The following PARVA variants were observed in gnomAD, a reference collection of about 807,000 sequenced individuals.
PARVA encodes the protein alpha-parvin.
PARVA carries 25 observed loss-of-function variants against 52.6 expected under a neutral mutation model. The observed-to-expected ratio is 0.48, with a 90% confidence interval of 0.35 to 0.66. The LOEUF (loss-of-function observed/expected upper bound fraction) is 0.66, where lower values mean the gene tolerates loss of function less well. Among genes scored for constraint, PARVA ranks in the 30% least tolerant of loss-of-function variants. PARVA has a pLI of 0.01. For missense variants in PARVA, 373 were observed against 450.9 expected (o/e 0.83, Z 1.56); for synonymous variants, 185 against 179.1 (o/e 1.03, Z -0.26).
chr11:12,449,124 GC>G (rs1183790769), intron 1 of PARVA, among the ~76,000 whole-genome samples: 1 of 151,166 alleles, frequency 6.6e-6, no homozygotes, highest in African/African-American at 2.4e-5. Context: ...ACCAAAAGGG[GC>G]ATTTATTTAT....
chr11:12,379,743 C>T (rs1213704754), intron 1 of PARVA, among the ~76,000 whole-genome samples: 5 of 152,184 alleles, frequency 3.3e-5, no homozygotes, highest in East Asian at 1.9e-4. Context: ...TAGATTGAAA[C>T]GAGAAGCAGC....
intron 8 of PARVA, 84 bp downstream of exon 8, chr11:12,511,617 C>G: frequency 2.1e-6 from 3 of 1,413,556 alleles, no homozygotes; most frequent in Non-Finnish European, 3.0e-6. Context: ...GGAACAGGCT[C>G]TCAGCTTGTC....
Position 12,527,882 on chromosome 11 carries a change from G to A in PARVA, c.1076G>A (p.Arg359Gln), listed in dbSNP as rs756153904. 3 of 1,613,460 alleles carry A rather than the reference G, an allele frequency of 1.9e-6. No individual in the cohort carries two copies. Among genetic ancestry groups the A allele is most frequent in the South Asian group, 1.1e-5 (1 of 91,054 alleles). Residue 359 changes from arginine (R) to glutamine (Q), a missense_variant, in exon 13 of 13, where the codon CGA becomes CAA. Physicochemically the swap from Arg to Gln is conservative, Grantham distance 43. Coordinates refer to ENST00000334956, the MANE Select transcript of PARVA (RefSeq NM_018222.5). The stretch of plus-strand genomic sequence containing the variant: ...AACTGTGACCTGAAATCTACACTAC[G>A]AGTGTTGTACAACCTCTTCACCAAG... Reference protein sequence around the residue: ...IVNCDLKSTLRVLYNLFTKYR... With the variant: ...IVNCDLKSTLQVLYNLFTKYR...
intron 4 of PARVA, among the ~76,000 whole-genome samples, chr11:12,487,042 C>T (rs1452687975): frequency 6.6e-6 from 1 of 152,152 alleles, no homozygotes; most frequent in African/African-American, 2.4e-5. Context: ...GGAACTCCAG[C>T]AGAGCATCTC....
intron 1 of PARVA, among the ~76,000 whole-genome samples, chr11:12,459,307 A>G (rs973844009): frequency 6.6e-6 from 1 of 152,136 alleles, no homozygotes; most frequent in Non-Finnish European, 1.5e-5. Context: ...CAGGAGGTTA[A>G]GGTGGGAAGA....
At chr11:12,514,111 C>T in intron 10 of PARVA, 46 bp downstream of exon 10, 2 of 1,489,182 alleles carry the variant, frequency 1.3e-6, no homozygotes, top group Non-Finnish European at 9.4e-7. Flanking sequence ...CCCTGCCCTA[C>T]AGCCCCTGTT....
chr11:12,504,418 G>C lies in PARVA; in HGVS notation c.646G>C (p.Val216Leu), dbSNP rs758808635. ...CCCAGACCATGTTTCCATCCAAGTG[G>C]TTGTGGTCCAGGTAAGACAGGTAAC... ...RLPDHVSIQV[V>L]VVQKREGILQ... is the part of the protein sequence containing the mutation. Residue 216 changes from valine (V) to leucine (L), a missense_variant, in exon 6 of 13, where the codon GTT (valine) becomes CTT (leucine). Physicochemically the swap from Val to Leu is conservative, Grantham distance 32. Coordinates refer to ENST00000334956, the MANE Select transcript of PARVA (RefSeq NM_018222.5). 8.7e-6 allele frequency: 14 copies of C among 1,609,942 alleles called. No individual in the cohort carries two copies. Among genetic ancestry groups the C allele is most frequent in the Non-Finnish European group, 1.2e-5 (14 of 1,176,402 alleles).
intron 1 of PARVA, among the ~76,000 whole-genome samples, chr11:12,394,961 C>T (rs1287877909): frequency 1.3e-5 from 2 of 152,052 alleles, no homozygotes; most frequent in African/African-American, 2.4e-5. Flanking sequence ...CGTGGTGGCT[C>T]ATGCCTTTAA....
intron 1 of PARVA, among the ~76,000 whole-genome samples, chr11:12,450,252 C>T (rs543638799): frequency 8.9e-4 from 135 of 152,118 alleles, no homozygotes; most frequent in Non-Finnish European, 1.3e-3. Flanking sequence ...TCATCTTTGC[C>T]GCCACCCCAT....
intron 1 of PARVA, among the ~76,000 whole-genome samples, chr11:12,414,818 A>G (rs930073939): frequency 2.2e-4 from 34 of 152,196 alleles, no homozygotes; most frequent in African/African-American, 7.7e-4. Flanking sequence ...CTAGGCCAGG[A>G]GTTCTGTGGG....
intron 1 of PARVA, among the ~76,000 whole-genome samples, chr11:12,424,083 GA>G (rs1940191931): frequency 6.6e-6 from 1 of 152,026 alleles, no homozygotes; most frequent in Non-Finnish European, 1.5e-5. Flanking sequence ...AAGAGCAATG[GA>G]TATAACTTTG....
In PARVA at chr11:12,530,292, T is replaced by C. The variant is rs1941756043; in HGVS notation, c.*2367T>C. ...GTCATCTCAGTTCGATATTTTACTT[T>C]AGAACCTGGAATCTCCTACTTAATA... On this transcript the variant is annotated 3_prime_UTR_variant, in exon 13 of 13. Transcript: ENST00000334956. The C allele has an allele frequency of 2.6e-5, 4 of 152,150 alleles. No homozygotes were observed. The allele number at this position is 152,150 out of a possible 1,614,324, so 9.4% of individuals were successfully genotyped here. A position where few individuals can be genotyped will look rare whatever the true frequency, so the allele number is the denominator to read the frequency against.
chr11:12,523,579 C>T (rs1054474043), intron 12 of PARVA, among the ~76,000 whole-genome samples: 3 of 152,136 alleles, frequency 2.0e-5, no homozygotes, highest in East Asian at 1.9e-4. Flanking sequence ...AACTCATTTT[C>T]GATGGTCCTC....
intron 4 of PARVA, among the ~76,000 whole-genome samples, chr11:12,486,835 G>A (rs553912518): frequency 6.6e-6 from 1 of 152,304 alleles, no homozygotes; most frequent in African/African-American, 2.4e-5. Context: ...GACAAAGTGA[G>A]ACTCTGTCTC....
At chr11:12,396,900 TCCTTTCTC>T (rs2134960569) in intron 1 of PARVA, among the ~76,000 whole-genome samples, 1 of 139,762 alleles carries the variant, frequency 7.2e-6, no homozygotes, top group Non-Finnish European at 1.6e-5. Context: ...CTTCCTTTCT[TCCTTTCTC>T]CTTTCCTTTC....
chr11:12,390,546 G>A (rs575233532), intron 1 of PARVA, among the ~76,000 whole-genome samples: 10 of 152,256 alleles, frequency 6.6e-5, no homozygotes, highest in African/African-American at 9.6e-5. Flanking sequence ...GGCAGGTTAC[G>A]ACCCTAGCTG....
At chr11:12,512,855 C>G (rs1011561419) in intron 8 of PARVA, among the ~76,000 whole-genome samples, 32 of 152,152 alleles carry the variant, frequency 2.1e-4, no homozygotes, top group African/African-American at 7.7e-4. Context: ...GCTCCCAGCC[C>G]TCTTCTCTGT....
chr11:12,448,770 C>T (rs776845867), intron 1 of PARVA, among the ~76,000 whole-genome samples: 1 of 152,142 alleles, frequency 6.6e-6, no homozygotes, highest in Non-Finnish European at 1.5e-5. Flanking sequence ...AGCTGGAAGC[C>T]AGGGATCATT....
intron 9 of PARVA, 136 bp downstream of exon 9, chr11:12,513,496 C>A: frequency 1.2e-6 from 1 of 809,652 alleles, no homozygotes; most frequent in East Asian, 2.5e-5. Context: ...AGGGCTTTCC[C>A]CCTTGCCATC....
Sources: gnomAD v4.1 joint callset for allele counts (sites outside exome capture counted in the v4.1 genomes callset) on GRCh38, gnomAD v4.1.1 for gene constraint, MANE v1.5 for transcripts, NCBI Gene and HGNC (gene_info 2026-07-23, HGNC 2026-07-21) for gene names.